The following ARHGAP20 variants were observed in gnomAD, a reference collection of about 807,000 sequenced individuals.
The protein encoded by ARHGAP20 is Rho GTPase activating protein 20.
Under a neutral mutation model 73.7 loss-of-function variants are expected in ARHGAP20, and 34 were observed. That is an observed-to-expected ratio of 0.46 (90% confidence interval 0.35 to 0.61). ARHGAP20 has a LOEUF of 0.61. Among genes scored for constraint, ARHGAP20 ranks in the 20% least tolerant of loss-of-function variants. ARHGAP20 has a pLI of 0.00. For missense variants in ARHGAP20, 1,314 were observed against 1,420.9 expected (o/e 0.92, Z 1.21); for synonymous variants, 523 against 518.2 (o/e 1.01, Z -0.13).
chr11:110,581,425 G>A (rs976292680), intron 14 of ARHGAP20, among the ~76,000 whole-genome samples, 200 bp from the exon 15 acceptor site: 10 of 152,148 alleles, frequency 6.6e-5, no homozygotes, highest in African/African-American at 2.2e-4. Context: ...AGTTCCTGAC[G>A]AATGGGCTTT....
At chr11:110,636,788 TA>T (rs1441369450) in intron 2 of ARHGAP20, among the ~76,000 whole-genome samples, 1 of 152,074 alleles carries the variant, frequency 6.6e-6, no homozygotes, top group African/African-American at 2.4e-5. Flanking sequence ...GTCTCCCATT[TA>T]AAAATGTGTT....
intron 1 of ARHGAP20, among the ~76,000 whole-genome samples, chr11:110,710,368 T>A (rs181606384): frequency 6.6e-6 from 1 of 152,170 alleles, no homozygotes; most frequent in African/African-American, 2.4e-5. Context: ...TGGACAAGTA[T>A]TACTTGATAA....
Position 110,579,381 on chromosome 11 carries a change from T to C in ARHGAP20, c.3565A>G (p.Lys1189Glu). 2.5e-6 allele frequency: 4 copies of C among 1,587,962 alleles called. No individual in the cohort carries two copies. The highest frequency in any genetic ancestry group is 3.4e-6 in the Non-Finnish European group (4 of 1,160,772). ...GATTCTTACTATGCTTAAATGTCTT[T>C]GGTTAAATACCTGTCCTCAATGTCG... ...VCDIEDRYLT[K>E]DI Residue 1189 changes from lysine to glutamate, a missense_variant, in exon 15 of 15, where the codon AAA becomes GAA. Lys to Glu is a moderately conservative substitution (Grantham distance 56). This residue lies in a region of ARHGAP20 where 641 missense variants were observed against 636.9 expected (regional missense o/e 1.01). Transcript: ENST00000683387.
Position 110,578,942 on chromosome 11 carries a change from A to G in ARHGAP20, c.*428T>C. The G allele has an allele frequency of 1.0e-6, 1 of 987,214 alleles. No individual in the cohort carries two copies. The highest frequency in any genetic ancestry group is 4.7e-5 in the South Asian group (1 of 21,396). 61.2% of individuals were successfully genotyped at this position (987,214 alleles called of 1,614,324 possible). A position where few individuals can be genotyped will look rare whatever the true frequency, so the allele number is the denominator to read the frequency against. ...TTAGTGGCATTTTTCTTGCCTACTT[A>G]TTAAAAACATTCCATGGAATGTAGA... On this transcript the variant is annotated 3_prime_UTR_variant, in exon 15 of 15. Coordinates refer to ENST00000683387, the MANE Select transcript of ARHGAP20 (RefSeq NM_001384657.1).
Position 110,590,682 on chromosome 11 carries a change from C to T in ARHGAP20, c.1271G>A (p.Cys424Tyr). Reference sequence around the variant, plus strand: ...AGATGCTATCACAAAAATAGATTCACAGTCTAGGTGTACTTCGACTCCAGA... The same window carrying T: ...AGATGCTATCACAAAAATAGATTCATAGTCTAGGTGTACTTCGACTCCAGA... ...LNSGVEVHLD[C>Y]ESIFVIASVL... Residue 424 changes from cysteine (C) to tyrosine (Y), a missense_variant, in exon 11 of 15, where the codon TGT (cysteine) becomes TAT (tyrosine). Transcript: ENST00000683387. The T allele has an allele frequency of 6.2e-7, 1 of 1,613,900 alleles. No individual in the cohort carries two copies. Among genetic ancestry groups the T allele is most frequent in the Non-Finnish European group, 8.5e-7 (1 of 1,179,920 alleles).
At chr11:110,620,375 T>TC (rs201480935) in intron 4 of ARHGAP20, among the ~76,000 whole-genome samples, 14 of 151,862 alleles carry the variant, frequency 9.2e-5, no homozygotes, top group Admixed American at 3.3e-4. Flanking sequence ...GGCCTCAAAC[T>TC]CCCCCCCTCA....
Position 110,577,960 on chromosome 11 carries a change from G to A in ARHGAP20, c.*1410C>T, listed in dbSNP as rs550527173. ...GAATAAGCTAGCTTGTGAGAGAAAGGTCCATCTGATGGTGAACTAAAGAGT... is the reference window on the plus strand; with the variant it reads ...GAATAAGCTAGCTTGTGAGAGAAAGATCCATCTGATGGTGAACTAAAGAGT... On this transcript the variant is annotated 3_prime_UTR_variant, in exon 15 of 15. Coordinates refer to ENST00000683387, the MANE Select transcript of ARHGAP20 (RefSeq NM_001384657.1). 1.0e-6 allele frequency: 1 copy of A among 985,572 alleles called. No individual in the cohort carries two copies. Among genetic ancestry groups the A allele is most frequent in the East Asian group, 1.1e-4 (1 of 8,818 alleles). 61.1% of individuals were successfully genotyped at this position (985,572 alleles called of 1,614,324 possible).
At chr11:110,598,809 T>C (rs1948036877) in intron 9 of ARHGAP20, among the ~76,000 whole-genome samples, 2 of 151,798 alleles carry the variant, frequency 1.3e-5, no homozygotes, top group African/African-American at 4.8e-5. Context: ...GGGAGGTCCC[T>C]TGGGTGCCAC....
At chr11:110,688,644 T>C (rs1950182464) in intron 2 of ARHGAP20, among the ~76,000 whole-genome samples, 1 of 152,214 alleles carries the variant, frequency 6.6e-6, no homozygotes, top group Non-Finnish European at 1.5e-5. Context: ...AGATAACCAG[T>C]GTTAAACTGT....
chr11:110,690,945 C>G, intron 1 of ARHGAP20: 3 of 1,450,468 alleles, frequency 2.1e-6, no homozygotes, highest in Non-Finnish European at 2.8e-6. Context: ...GTGTCTGGCT[C>G]TATGCTAAAG....
chr11:110,661,795 C>A (rs547885252), intron 2 of ARHGAP20, among the ~76,000 whole-genome samples: 1 of 152,058 alleles, frequency 6.6e-6, no homozygotes, highest in African/African-American at 2.4e-5. Context: ...ACGTCACTAG[C>A]AAGAATGGGA....
At chr11:110,593,111 T>C (rs1031785136) in intron 9 of ARHGAP20, among the ~76,000 whole-genome samples, 2 of 152,110 alleles carry the variant, frequency 1.3e-5, no homozygotes, top group African/African-American at 2.4e-5. Flanking sequence ...TTTTAACAGA[T>C]AGAGCATCTG....
intron 2 of ARHGAP20, among the ~76,000 whole-genome samples, chr11:110,645,358 T>A (rs573480565): frequency 2.0e-4 from 30 of 152,180 alleles, no homozygotes; most frequent in Admixed American, 1.9e-3. Context: ...ACAGACATAT[T>A]TTTTAAAATG....
At position 110,712,341 on chromosome 11, in the gene ARHGAP20, T is replaced by G. The variant is rs938288962; in HGVS notation, c.-110A>C. On this transcript the variant is annotated 5_prime_UTR_variant, in exon 1 of 15. An upstream open reading frame in the 5' UTR loses its in-frame stop. Transcript: ENST00000683387. ...GCGGGCGGAGGCGCGGCTGCCGTGC[T>G]CAGGCAGGGAGCCGAGCTCCGGGTG... is the stretch of plus-strand genomic sequence containing the variant. 12 of 918,220 alleles carry G rather than the reference T, an allele frequency of 1.3e-5. No individual in the cohort carries two copies. In the African/African-American group the frequency reaches 1.6e-4, roughly 12 times the overall value. 56.9% of individuals were successfully genotyped at this position (918,220 alleles called of 1,614,324 possible). A position where few individuals can be genotyped will look rare whatever the true frequency, so the allele number is the denominator to read the frequency against.
intron 12 of ARHGAP20, among the ~76,000 whole-genome samples, chr11:110,584,978 T>C (rs1434962325): frequency 7.3e-6 from 1 of 137,250 alleles, no homozygotes; most frequent in Admixed American, 7.8e-5. Context: ...TATGAATATA[T>C]ATGTGAAAAT....
intron 1 of ARHGAP20, among the ~76,000 whole-genome samples, chr11:110,709,727 G>C (rs1323676883): frequency 4.6e-5 from 7 of 152,194 alleles, no homozygotes; most frequent in Admixed American, 6.5e-5. Flanking sequence ...CACAAACAAG[G>C]GGGGGATGCA....
intron 9 of ARHGAP20, among the ~76,000 whole-genome samples, chr11:110,605,694 T>C (rs1008143270): frequency 1.3e-5 from 2 of 152,210 alleles, no homozygotes; most frequent in Admixed American, 1.3e-4. Flanking sequence ...TTTCAGACTT[T>C]CCCCTGGCAC....
intron 2 of ARHGAP20, among the ~76,000 whole-genome samples, chr11:110,687,106 A>ACACC (rs1950153108): frequency 6.7e-6 from 1 of 150,116 alleles, no homozygotes; most frequent in Non-Finnish European, 1.5e-5. Flanking sequence ...ACACACACAC[A>ACACC]TATATTTTAA....
At chr11:110,590,077 T>A (rs1331389060) in intron 11 of ARHGAP20, among the ~76,000 whole-genome samples, 2 of 144,244 alleles carry the variant, frequency 1.4e-5, no homozygotes, top group Non-Finnish European at 3.0e-5. Context: ...GCCGCAATCA[T>A]GCCATTGCAC....
Sources: gnomAD v4.1 joint callset for allele counts (sites outside exome capture counted in the v4.1 genomes callset) on GRCh38, gnomAD v4.1.1 for gene constraint, gnomAD v4.1.1 regional missense constraint, MANE v1.5 for transcripts, NCBI Gene and HGNC (gene_info 2026-07-23, HGNC 2026-07-21) for gene names.